The following PPARGC1A variants were observed in gnomAD, a reference collection of about 807,000 sequenced individuals.
The protein encoded by PPARGC1A is peroxisome proliferator-activated receptor gamma coactivator 1-alpha.
Under a neutral mutation model 88.7 loss-of-function variants are expected in PPARGC1A, and 25 were observed. The ratio of observed to expected loss-of-function variants is 0.28; its 90% CI spans 0.21 to 0.39. PPARGC1A has a LOEUF of 0.39. PPARGC1A is among the 10% of genes least tolerant of loss of function. PPARGC1A has a pLI of 1.00. For synonymous variants in PPARGC1A, 363 were observed against 355.6 expected, an observed-to-expected ratio of 1.02 and a Z score of -0.24; for missense variants, 880 against 968.7, an observed-to-expected ratio of 0.91 and a Z score of 1.22.
At chr4:24,328,785 T>C in the PPARGC1A span, among the ~76,000 whole-genome samples, 2 of 152,218 alleles carry the variant, frequency 1.3e-5, no homozygotes, top group African/African-American at 4.8e-5. Flanking sequence ...TCTGATTCTT[T>C]GAGGGCAGTG....
the PPARGC1A span, among the ~76,000 whole-genome samples, chr4:24,168,206 G>A: frequency 6.6e-6 from 1 of 152,142 alleles, no homozygotes; most frequent in Non-Finnish European, 1.5e-5. Flanking sequence ...TTGCTTTACT[G>A]TGGTGGTCTG....
At chr4:24,230,586 A>G in the PPARGC1A span, among the ~76,000 whole-genome samples, 1 of 152,120 alleles carries the variant, frequency 6.6e-6, no homozygotes, top group South Asian at 2.1e-4. Context: ...GTCCTGGGAT[A>G]TGGTCTCTAA....
At chr4:24,371,786 C>CAA in the PPARGC1A span, among the ~76,000 whole-genome samples, 23,509 of 131,864 alleles carry the variant, frequency 0.18, 2,089 homozygotes, top group Non-Finnish European at 0.21. Context: ...ACAAAAAATA[C>CAA]AAAAAAAAAA....
chr4:24,356,216 A>AAG, the PPARGC1A span, among the ~76,000 whole-genome samples: 19 of 150,418 alleles, frequency 1.3e-4, no homozygotes, highest in East Asian at 1.2e-3. Context: ...AAAAAAAAAA[A>AAG]AGAGAGAGAG....
At chr4:24,112,139 T>C in the PPARGC1A span, among the ~76,000 whole-genome samples, 8 of 152,164 alleles carry the variant, frequency 5.3e-5, no homozygotes, top group African/African-American at 1.7e-4. Flanking sequence ...AATTAAAACC[T>C]CTAAGTCAGG....
chr4:24,414,567 A>G, the PPARGC1A span, among the ~76,000 whole-genome samples: 10 of 152,114 alleles, frequency 6.6e-5, no homozygotes, highest in African/African-American at 9.7e-5. Flanking sequence ...CGACAATCCA[A>G]TTGGATCCCC....
At chr4:24,027,164 G>A in the PPARGC1A span, among the ~76,000 whole-genome samples, 1 of 149,596 alleles carries the variant, frequency 6.7e-6, no homozygotes, top group Non-Finnish European at 1.5e-5. Flanking sequence ...TGCCCAAGAT[G>A]CAGGAGGATC....
Position 23,829,600 on chromosome 4 carries a change from AG to A in PPARGC1A, c.430-16del. 1 of 1,605,452 alleles carries A rather than the reference AG, an allele frequency of 6.2e-7. No individual in the cohort carries two copies. Among genetic ancestry groups the A allele is most frequent in the Non-Finnish European group, 8.5e-7 (1 of 1,174,648 alleles). ...AGCTTCTTAAGCTAGAAACATTATC[AG>A]GGAAAGGGAAAAGCAAGTAAAGTTA... On this transcript the variant is annotated splice_polypyrimidine_tract_variant and intron_variant, in intron 3 of 12. Coordinates refer to ENST00000264867, the MANE Select transcript of PPARGC1A (RefSeq NM_013261.5).
At chr4:24,387,029 G>T in the PPARGC1A span, among the ~76,000 whole-genome samples, 3 of 152,120 alleles carry the variant, frequency 2.0e-5, no homozygotes, top group Non-Finnish European at 4.4e-5. Context: ...CATGGTACTG[G>T]TTCCAAAACA....
the PPARGC1A span, among the ~76,000 whole-genome samples, chr4:24,143,897 T>A: frequency 1.3e-5 from 2 of 152,216 alleles, no homozygotes; most frequent in South Asian, 4.1e-4. Context: ...AACCTGGCAG[T>A]CTTACTCCAA....
chr4:24,277,912 T>A, the PPARGC1A span, among the ~76,000 whole-genome samples: 9 of 152,114 alleles, frequency 5.9e-5, no homozygotes, highest in Non-Finnish European at 8.8e-5. Context: ...TGGTGGCTCA[T>A]ACCCGTAACC....
the PPARGC1A span, among the ~76,000 whole-genome samples, chr4:24,108,582 T>C: frequency 4.1e-4 from 62 of 152,264 alleles, no homozygotes; most frequent in Middle Eastern, 6.8e-3. Flanking sequence ...GGACCACGCA[T>C]TGAATTCACA....
chr4:23,973,480 C>G, the PPARGC1A span, among the ~76,000 whole-genome samples: 1 of 152,216 alleles, frequency 6.6e-6, no homozygotes, highest in African/African-American at 2.4e-5. Context: ...AAATTTGTTT[C>G]TTAAAGAGAG....
At chr4:24,164,097 C>G in the PPARGC1A span, among the ~76,000 whole-genome samples, 1 of 152,134 alleles carries the variant, frequency 6.6e-6, no homozygotes, top group African/African-American at 2.4e-5. Context: ...TAAAAATAGG[C>G]AACTATCTTC....
chr4:24,383,366 G>A, the PPARGC1A span, among the ~76,000 whole-genome samples: 4 of 152,148 alleles, frequency 2.6e-5, no homozygotes, highest in African/African-American at 7.2e-5. Flanking sequence ...AAGCTGGACG[G>A]AGAATGAGTT....
the PPARGC1A span, among the ~76,000 whole-genome samples, chr4:24,092,576 A>G: frequency 6.6e-6 from 1 of 152,146 alleles, no homozygotes; most frequent in South Asian, 2.1e-4. Context: ...ATATCACTTA[A>G]TACGGTAAAT....
the PPARGC1A span, among the ~76,000 whole-genome samples, chr4:24,262,230 T>C: frequency 0.087 from 13,242 of 152,150 alleles, 679 homozygotes; most frequent in African/African-American, 0.14. Context: ...AATCTCTACC[T>C]GTCCTCAGAA....
chr4:24,105,726 A>C, the PPARGC1A span, among the ~76,000 whole-genome samples: 77 of 152,326 alleles, frequency 5.1e-4, no homozygotes, highest in Middle Eastern at 6.8e-3. Flanking sequence ...AAAGGAAGAG[A>C]GGCTTGAAAG....
At chr4:23,882,416 T>C (rs907998634) in intron 2 of PPARGC1A, among the ~76,000 whole-genome samples, 1 of 152,200 alleles carries the variant, frequency 6.6e-6, no homozygotes, top group Non-Finnish European at 1.5e-5. Context: ...CCTCAGTGCT[T>C]TTTTCATTGG....
Sources: gnomAD v4.1 joint callset for allele counts (sites outside exome capture counted in the v4.1 genomes callset) on GRCh38, gnomAD v4.1.1 for gene constraint, MANE v1.5 for transcripts, NCBI Gene and HGNC (gene_info 2026-07-23, HGNC 2026-07-21) for gene names.